The following KLHL5 variants were observed in gnomAD, a reference collection of about 807,000 sequenced individuals.
KLHL5 encodes the protein kelch-like protein 5.
In KLHL5, 48 loss-of-function variants were observed where a neutral mutation model predicts 77.7. The observed-to-expected ratio is 0.62, with a 90% CI of 0.49 to 0.79. The LOEUF is 0.79. KLHL5 is among the 30% of genes least tolerant of loss of function. The pLI, the probability that KLHL5 is intolerant of heterozygous loss-of-function variation, is 0.00. For missense variants in KLHL5, 723 were observed against 859.7 expected (o/e 0.84, Z 1.99); for synonymous variants, 260 against 297.0 (o/e 0.88, Z 1.28).
intron 6 of KLHL5, 142 bp from the exon 7 acceptor site, chr4:39,103,145 A>G: frequency 1.4e-6 from 1 of 708,680 alleles, no homozygotes; most frequent in Non-Finnish European, 2.3e-6. Context: ...GGCAGAGGCT[A>G]GATCATGCAG....
intron 7 of KLHL5, 67 bp downstream of exon 7, chr4:39,103,578 C>A: frequency 7.6e-7 from 1 of 1,313,624 alleles, no homozygotes. Flanking sequence ...ACATTCTGAA[C>A]CAGGCAGAGG....
intron 5 of KLHL5, chr4:39,093,558 A>G: frequency 2.5e-6 from 1 of 397,240 alleles, no homozygotes; most frequent in Admixed American, 3.0e-5. Flanking sequence ...TATCAAAAGG[A>G]TACACTCTGA....
chr4:39,051,547 C>G (rs974614458), intron 1 of KLHL5, among the ~76,000 whole-genome samples: 4 of 152,178 alleles, frequency 2.6e-5, no homozygotes, highest in African/African-American at 9.7e-5. Flanking sequence ...AGAAGGCTAT[C>G]AGACAGGAAT....
At chr4:39,052,634 C>T (rs529577835) in intron 1 of KLHL5, among the ~76,000 whole-genome samples, 17 of 152,216 alleles carry the variant, frequency 1.1e-4, no homozygotes, top group South Asian at 1.0e-3. Flanking sequence ...GCTACTTTGG[C>T]GATAGCATGG....
chr4:39,130,442 A>G (rs1263941172), downstream of KLHL5, among the ~76,000 whole-genome samples: 1 of 152,200 alleles, frequency 6.6e-6, no homozygotes, highest in African/African-American at 2.4e-5. Context: ...ACAACCTTCC[A>G]GTGTGGGCGT....
rs1721751090 is a variant in KLHL5, at chr4:39,103,224, T to A, written c.1301-63T>A. ...AAGATTATATTTTTGTATCTGTAAT[T>A]TCATAAAATTACCAATCATGGTATA... On this transcript the variant is annotated intron_variant, in intron 6 of 10. Coordinates refer to ENST00000504108, the MANE Select transcript of KLHL5 (RefSeq NM_015990.5). The A allele has an allele frequency of 2.4e-5, 27 of 1,140,118 alleles. No individual in the cohort carries two copies. The South Asian group carries it at 3.8e-4, about 16-fold the overall frequency. The allele number at this position is 1,140,118 out of a possible 1,614,324, so 70.6% of individuals were successfully genotyped here.
chr4:39,076,604 G>GA (rs932263154), intron 2 of KLHL5, among the ~76,000 whole-genome samples: 7 of 151,644 alleles, frequency 4.6e-5, no homozygotes, highest in African/African-American at 1.2e-4. Flanking sequence ...CAGTGCTAGG[G>GA]AAAAAAAGCC....
At chr4:39,132,480 G>A in the KLHL5 span, among the ~76,000 whole-genome samples, 5 of 151,986 alleles carry the variant, frequency 3.3e-5, no homozygotes, top group African/African-American at 9.7e-5. Context: ...GCCATGGTGC[G>A]CACCTGTAGT....
intron 9 of KLHL5, among the ~76,000 whole-genome samples, chr4:39,114,375 C>G (rs1385975038): frequency 6.6e-6 from 1 of 152,138 alleles, no homozygotes; most frequent in Admixed American, 6.6e-5. Flanking sequence ...AAGAACTAAC[C>G]AAGGAGAAAA....
At chr4:39,085,360 C>T (rs1022462493) in intron 4 of KLHL5, among the ~76,000 whole-genome samples, 17 of 152,188 alleles carry the variant, frequency 1.1e-4, no homozygotes, top group Middle Eastern at 3.4e-3. Context: ...CTCAGGTTAC[C>T]ACAGGCTATA....
Position 39,124,183 on chromosome 4 carries a change from A to G in KLHL5, c.*3117A>G, listed in dbSNP as rs1212006692. ...AAGAAGACCTAAATAAATGGAAGAC[A>G]TCCTGTGCTGGCAGGTTGGAAGACT... is the stretch of plus-strand genomic sequence containing the variant. On this transcript the variant is annotated 3_prime_UTR_variant, in exon 11 of 11. Transcript: ENST00000504108. Among the ~76,000 whole-genome samples, 1 of 152,194 alleles carries G rather than the reference A, an allele frequency of 6.6e-6. No individual in the cohort carries two copies. The highest frequency in any genetic ancestry group is 1.5e-5 in the Non-Finnish European group (1 of 68,018).
rs752823715 is a variant in KLHL5 at position 39,103,438 on chromosome 4, T to A, written c.1452T>A (p.Thr484=). The stretch of plus-strand genomic sequence containing the variant: ...GAGATGGACTGAAGACTTTGAATAC[T>A]GTAGAGTGCTACAACCCCAAAACAA... ...GGRDGLKTLN[T]VECYNPKTKT... is the part of the protein sequence containing the mutation. The change falls in exon 7 of 11, where the codon ACT becomes ACA. Residue 484 remains threonine (T), a synonymous_variant. Coordinates refer to ENST00000504108, the MANE Select transcript of KLHL5 (RefSeq NM_015990.5). 1.5e-5 allele frequency: 25 copies of A among 1,614,094 alleles called. No homozygotes were observed. The highest frequency in any genetic ancestry group is 2.1e-5 in the Non-Finnish European group (25 of 1,180,038).
intron 1 of KLHL5, among the ~76,000 whole-genome samples, chr4:39,071,079 A>G (rs1718432376): frequency 6.6e-6 from 1 of 152,146 alleles, no homozygotes; most frequent in African/African-American, 2.4e-5. Context: ...TCTGTATATT[A>G]TATAGAAATT....
chr4:39,137,553 G>A, the KLHL5 span, among the ~76,000 whole-genome samples: 60 of 152,140 alleles, frequency 3.9e-4, no homozygotes, highest in African/African-American at 1.4e-3. Context: ...CCAGGAGGTC[G>A]AGGCTGCAGT....
Position 39,113,176 on chromosome 4 carries a change from G to T in KLHL5, c.1845G>T (p.Gly615=), listed in dbSNP as rs776952776. 1 of 1,614,086 alleles carries T rather than the reference G, an allele frequency of 6.2e-7. No homozygotes were observed. Among genetic ancestry groups the T allele is most frequent in the Non-Finnish European group, 8.5e-7 (1 of 1,179,966 alleles). Reference sequence around the variant, plus strand: ...GGAATGGACTGCTGTATGCTATAGGGGGGCACGATGCTCCCGCATCCAACT... The same window carrying T: ...GGAATGGACTGCTGTATGCTATAGGTGGGCACGATGCTCCCGCATCCAACT... ...TTWNGLLYAI[G]GHDAPASNLT... is the part of the protein sequence containing the mutation. Residue 615 remains glycine (G), a synonymous_variant, in exon 9 of 11, where the codon GGG becomes GGT. Transcript: ENST00000504108.
At chr4:39,054,682 C>G (rs1169064781) in intron 1 of KLHL5, among the ~76,000 whole-genome samples, 1 of 152,182 alleles carries the variant, frequency 6.6e-6, no homozygotes, top group Non-Finnish European at 1.5e-5. Context: ...GTCACTTAGG[C>G]TACCATTAAT....
At chr4:39,071,347 GC>G (rs1449486840) in intron 1 of KLHL5, among the ~76,000 whole-genome samples, 2 of 151,662 alleles carry the variant, frequency 1.3e-5, no homozygotes, top group African/African-American at 4.9e-5. Flanking sequence ...TTTCGGAAGA[GC>G]TTTTTTTCCT....
rs1177608940 is a variant in KLHL5, at chr4:39,068,426, C to G, written c.383+5391C>G. On this transcript the variant is annotated intron_variant, in intron 1 of 10. Coordinates refer to ENST00000504108, the MANE Select transcript of KLHL5 (RefSeq NM_015990.5). ...TGTGACATAAGCTATGTAACCTCTC[C>G]CCAGAAAACACTGTGTGTGTGTGTG... 2.3e-5 allele frequency among the ~76,000 whole-genome samples: 3 copies of G among 129,378 alleles called. No homozygotes were observed. In the East Asian group the frequency reaches 6.8e-4, roughly 29 times the overall value. 84.9% of individuals were successfully genotyped at this position (129,378 alleles called of 152,430 possible).
upstream of KLHL5, among the ~76,000 whole-genome samples, chr4:39,061,844 T>C (rs892622964): frequency 1.3e-5 from 2 of 152,220 alleles, no homozygotes; most frequent in Admixed American, 6.5e-5. Context: ...TTTTGATCCT[T>C]TGTAGTTTTC....
Sources: allele counts gnomAD v4.1 joint callset (sites outside exome capture counted in the v4.1 genomes callset), GRCh38; gene constraint gnomAD v4.1.1; transcripts MANE v1.5; gene names NCBI Gene and HGNC (gene_info 2026-07-23, HGNC 2026-07-21).